Variants in ANXA10 observed in about 807,000 individuals in gnomAD.
ANXA10 encodes the protein annexin A10, also known as annexin 14.
In ANXA10, 49 loss-of-function variants were observed where a neutral mutation model predicts 53.5. That is an observed-to-expected ratio of 0.92 (90% confidence interval 0.73 to 1.16). The LOEUF (loss-of-function observed/expected upper bound fraction) is 1.16. Ranked by LOEUF, ANXA10 falls within the 50% of genes most tolerant of loss-of-function variation. The pLI, the probability that ANXA10 is intolerant of heterozygous loss-of-function variation, is 0.00. For synonymous variants in ANXA10, 131 were observed against 128.9 expected (o/e 1.02, Z -0.11); for missense variants, 393 against 394.4 (o/e 1.00, Z 0.03).
chr4:168,132,883 A>G (rs1311204366), intron 2 of ANXA10, among the ~76,000 whole-genome samples: 1 of 152,110 alleles, frequency 6.6e-6, no homozygotes, highest in Non-Finnish European at 1.5e-5. Context: ...TTATTCACAA[A>G]TGCTATATTT....
chr4:168,135,738 A>G (rs1315604834), intron 2 of ANXA10, among the ~76,000 whole-genome samples: 1 of 152,166 alleles, frequency 6.6e-6, no homozygotes, highest in Non-Finnish European at 1.5e-5. Flanking sequence ...ATCCCTCAGA[A>G]GCACACAGAT....
At chr4:168,093,926 A>G (rs1730502270) in intron 1 of ANXA10, among the ~76,000 whole-genome samples, 1 of 152,160 alleles carries the variant, frequency 6.6e-6, no homozygotes, top group African/African-American at 2.4e-5. Context: ...TGCAGTTGAA[A>G]GTTACCATTA....
intron 3 of ANXA10, among the ~76,000 whole-genome samples, chr4:168,142,227 C>T (rs1731339221): frequency 6.6e-6 from 1 of 152,130 alleles, no homozygotes; most frequent in South Asian, 2.1e-4. Context: ...CATCTGCCTA[C>T]ACATATTCCT....
intron 11 of ANXA10, among the ~76,000 whole-genome samples, chr4:168,186,857 TCA>T (rs1178524242): frequency 5.9e-5 from 9 of 152,130 alleles, no homozygotes; most frequent in Non-Finnish European, 1.3e-4. Flanking sequence ...TCTCAGTTTT[TCA>T]CTATTATACA....
chr4:168,137,190 A>C (rs1209674655), intron 2 of ANXA10, among the ~76,000 whole-genome samples: 2 of 152,186 alleles, frequency 1.3e-5, no homozygotes, highest in African/African-American at 4.8e-5. Flanking sequence ...AAGGTCAAGG[A>C]GCCATTTTTT....
Position 168,128,172 on chromosome 4 carries a change from C to G in ANXA10, c.100+7C>G. The G allele has an allele frequency of 6.2e-7, 1 of 1,603,254 alleles. No individual in the cohort carries two copies. The highest frequency in any genetic ancestry group is 1.3e-5 in the African/African-American group (1 of 74,492). ...GGAGCACTCCAAGGATTTGGTAAGT[C>G]TGATTATTTCTACCATCTTTTATTG... On this transcript the variant is annotated splice_region_variant and intron_variant, in intron 2 of 11. Transcript: ENST00000359299.
chr4:168,139,500 A>C lies in ANXA10; in HGVS notation c.115A>C (p.Met39Leu), dbSNP rs1163774949. 8 of 1,612,644 alleles carry C rather than the reference A, an allele frequency of 5.0e-6. No homozygotes were observed. The highest frequency in any genetic ancestry group is 6.8e-6 in the Non-Finnish European group (8 of 1,178,844). ...ALQGFDCDKD[M>L]LINILTQRCN... The stretch of plus-strand genomic sequence containing the variant: ...TTCTTTTCCAGACTGTGACAAAGAC[A>C]TGCTGATCAACATTCTGACTCAGCG... Residue 39 changes from methionine to leucine, a missense_variant, in exon 3 of 12, where the codon ATG becomes CTG. Met to Leu is a conservative substitution (Grantham distance 15). Transcript: ENST00000359299.
intron 1 of ANXA10, among the ~76,000 whole-genome samples, chr4:168,123,659 T>C (rs1731025135): frequency 6.6e-6 from 1 of 152,168 alleles, no homozygotes; most frequent in Non-Finnish European, 1.5e-5. Flanking sequence ...TGTAGATGTC[T>C]AGTTGGGAAC....
chr4:168,103,367 AT>A (rs373731692), intron 1 of ANXA10, among the ~76,000 whole-genome samples: 4 of 151,972 alleles, frequency 2.6e-5, no homozygotes, highest in African/African-American at 7.2e-5. Flanking sequence ...GGTCAAGCTT[AT>A]TTTTTTATAT....
chr4:168,126,256 A>C (rs1177931991), intron 1 of ANXA10, among the ~76,000 whole-genome samples: 5 of 152,188 alleles, frequency 3.3e-5, no homozygotes, highest in African/African-American at 1.2e-4. Context: ...AATGTGTCTC[A>C]AAAAAATTAG....
chr4:168,133,579 G>A (rs1196800270), intron 2 of ANXA10, among the ~76,000 whole-genome samples: 1 of 152,090 alleles, frequency 6.6e-6, no homozygotes, highest in South Asian at 2.1e-4. Flanking sequence ...TCTCTTAAAT[G>A]TTTATACAGG....
intron 3 of ANXA10, among the ~76,000 whole-genome samples, chr4:168,153,442 C>CAAAAAAAAAAAAAAA (rs1560782282): frequency 4.7e-5 from 2 of 42,948 alleles, no homozygotes; most frequent in Non-Finnish European, 4.8e-5. Context: ...AAAAAAAAAA[C>CAAAAAAAAAAAAAAA]AAAAACAAAA....
intron 3 of ANXA10, among the ~76,000 whole-genome samples, chr4:168,140,395 G>T (rs1039399180): frequency 6.6e-6 from 1 of 152,178 alleles, no homozygotes; most frequent in Non-Finnish European, 1.5e-5. Flanking sequence ...CTCAGCTTTA[G>T]ATTGAATTAA....
intron 8 of ANXA10, among the ~76,000 whole-genome samples, chr4:168,178,497 C>A (rs765552542): frequency 2.6e-5 from 4 of 151,902 alleles, no homozygotes; most frequent in African/African-American, 9.7e-5. Context: ...ATATAAAGTA[C>A]GCAAATGGCT....
In ANXA10 at chr4:168,154,013, C is replaced by T. The variant is rs1731557527; in HGVS notation, c.196-8515C>T. Among the ~76,000 whole-genome samples the T allele has an allele frequency of 2.6e-5, 4 of 151,442 alleles. No homozygotes were observed. The South Asian group carries it at 6.2e-4, about 24-fold the overall frequency. Reference sequence around the variant, plus strand: ...ACACACACACACACACGCACACACGCGCGCGCGCGTGCCTCTGAGTTGAAA... The same window carrying T: ...ACACACACACACACACGCACACACGTGCGCGCGCGTGCCTCTGAGTTGAAA... On this transcript the variant is annotated intron_variant, in intron 3 of 11. Transcript: ENST00000359299.
In ANXA10 at chr4:168,155,793, TAA is replaced by T. The variant is rs1199033021; in HGVS notation, c.196-6734_196-6733del. Among the ~76,000 whole-genome samples the T allele has an allele frequency of 5.5e-4, 25 of 45,426 alleles. 1 individual carries two copies. Among genetic ancestry groups the T allele is most frequent in the Non-Finnish European group, 6.4e-4 (18 of 27,954 alleles). 29.8% of individuals were successfully genotyped at this position (45,426 alleles called of 152,430 possible). On this transcript the variant is annotated intron_variant, in intron 3 of 11. Transcript: ENST00000359299. The stretch of plus-strand genomic sequence containing the variant: ...TATATCATATATTATATATTATATA[TAA>T]TATATAATATATGATATATTATATA...
chr4:168,115,505 A>G (rs866116811), intron 1 of ANXA10, among the ~76,000 whole-genome samples: 3,025 of 131,938 alleles, frequency 0.023, 111 homozygotes, highest in African/African-American at 0.098. Flanking sequence ...ACGCACACAC[A>G]CACACACACA....
At chr4:168,185,822 G>C (rs1210527152) in intron 11 of ANXA10, among the ~76,000 whole-genome samples, 1 of 152,194 alleles carries the variant, frequency 6.6e-6, no homozygotes, top group East Asian at 1.9e-4. Flanking sequence ...CCAAGAAGCA[G>C]TGTTTTAGTT....
chr4:168,169,183 G>T (rs758323462), intron 6 of ANXA10, among the ~76,000 whole-genome samples: 23 of 152,052 alleles, frequency 1.5e-4, no homozygotes, highest in Non-Finnish European at 2.5e-4. Flanking sequence ...AAATAATCTC[G>T]ATTGACAAGA....
Sources: allele counts gnomAD v4.1 joint callset (sites outside exome capture counted in the v4.1 genomes callset), GRCh38; gene constraint gnomAD v4.1.1; transcripts MANE v1.5; gene names NCBI Gene and HGNC (gene_info 2026-07-23, HGNC 2026-07-21).